Variants in GSAP observed in about 807,000 individuals in gnomAD.
The protein encoded by GSAP is gamma-secretase-activating protein.
Under a neutral mutation model 131.7 loss-of-function variants are expected in GSAP, and 118 were observed. The ratio of observed to expected loss-of-function variants is 0.90; its 90% confidence interval spans 0.77 to 1.04. The LOEUF is 1.04. Among genes scored for constraint, GSAP ranks in the 50% least tolerant of loss-of-function variants. The pLI is 0.00. For missense variants in GSAP, 1,019 were observed against 1,013.2 expected, an observed-to-expected ratio of 1.01 and a Z score of -0.08; for synonymous variants, 381 against 363.4, an observed-to-expected ratio of 1.05 and a Z score of -0.55.
intron 3 of GSAP, among the ~76,000 whole-genome samples, chr7:77,400,675 C>T (rs1183920815): frequency 6.6e-6 from 1 of 152,148 alleles, no homozygotes; most frequent in African/African-American, 2.4e-5. Flanking sequence ...TAATGCAGTA[C>T]TCGAAATGTC....
At chr7:77,344,471 C>T (rs1370407051) in intron 19 of GSAP, among the ~76,000 whole-genome samples, 4 of 152,172 alleles carry the variant, frequency 2.6e-5, no homozygotes, top group Non-Finnish European at 5.9e-5. Flanking sequence ...AGGCTCCAGG[C>T]TCATTCCAGA....
chr7:77,359,702 C>T (rs191982786), intron 14 of GSAP, among the ~76,000 whole-genome samples: 20 of 152,298 alleles, frequency 1.3e-4, no homozygotes, highest in Non-Finnish European at 2.1e-4. Context: ...CCTCTCCACA[C>T]GCTAAAGACC....
Position 77,369,158 on chromosome 7 carries a change from C to A in GSAP, c.871+4912G>T, listed in dbSNP as rs1795757377. Among the ~76,000 whole-genome samples the A allele has an allele frequency of 1.3e-5, 2 of 152,194 alleles. 1 individual carries two copies. The highest frequency in any genetic ancestry group is 4.1e-4 in the South Asian group (2 of 4,832). ...TAGGAAGGAGAATTTACACACTTCCCTACTCACTACCCTCCCAGTAGGTGG... is the reference window on the plus strand; with the variant it reads ...TAGGAAGGAGAATTTACACACTTCCATACTCACTACCCTCCCAGTAGGTGG... On this transcript the variant is annotated intron_variant, in intron 12 of 30. Coordinates refer to ENST00000257626, the MANE Select transcript of GSAP (RefSeq NM_017439.4).
chr7:77,321,823 G>A (rs1243474071), intron 24 of GSAP, among the ~76,000 whole-genome samples: 4 of 152,190 alleles, frequency 2.6e-5, no homozygotes, highest in Non-Finnish European at 5.9e-5. Context: ...AGTAAGACTG[G>A]TATCAAGTCC....
chr7:77,410,862 G>A (rs376006813), intron 1 of GSAP, among the ~76,000 whole-genome samples: 2 of 151,898 alleles, frequency 1.3e-5, no homozygotes, highest in East Asian at 1.9e-4. Context: ...ACATCAAGAG[G>A]TGACAAAATA....
intron 27 of GSAP, among the ~76,000 whole-genome samples, chr7:77,314,007 C>G (rs1221750961): frequency 6.6e-6 from 1 of 152,152 alleles, no homozygotes; most frequent in African/African-American, 2.4e-5. Context: ...GCAGAGGTTC[C>G]TAGCCTCAAG....
At chr7:77,355,093 G>A in intron 16 of GSAP, 120 bp downstream of exon 16, 2 of 657,554 alleles carry the variant, frequency 3.0e-6, no homozygotes, top group Non-Finnish European at 5.2e-6. Flanking sequence ...TCAGCAGCAA[G>A]GCCACACACC....
rs762482202 is a variant in GSAP, at chr7:77,311,858, A to C, written c.2456T>G (p.Ile819Arg). The C allele has an allele frequency of 1.3e-6, 2 of 1,542,082 alleles. No homozygotes were observed. Among genetic ancestry groups the C allele is most frequent in the Non-Finnish European group, 1.8e-6 (2 of 1,114,472 alleles). ...LNYFIEILTD[I>R]ESSNQALYPF... ...TAAATTACCTTGATTGGAGGACTCT[A>C]TATCTGTCAGAATTTCAATGAAGTA... The change falls in exon 30 of 31, where the codon ATA becomes AGA. Residue 819 changes from isoleucine (I) to arginine (R), a missense_variant. Physicochemically the swap from Ile to Arg is moderately conservative, Grantham distance 97 (BLOSUM62 -3). Coordinates refer to ENST00000257626, the MANE Select transcript of GSAP (RefSeq NM_017439.4).
At chr7:77,413,665 C>A (rs752151973) in intron 1 of GSAP, among the ~76,000 whole-genome samples, 2 of 151,814 alleles carry the variant, frequency 1.3e-5, no homozygotes, top group Non-Finnish European at 2.9e-5. Flanking sequence ...AATATTTTGC[C>A]CATACATATA....
chr7:77,385,222 T>C (rs1798388498), intron 6 of GSAP, among the ~76,000 whole-genome samples: 1 of 151,874 alleles, frequency 6.6e-6, no homozygotes, highest in Non-Finnish European at 1.5e-5. Context: ...TTAGTAGAGA[T>C]GGGGTTTTGC....
At position 77,372,827 on chromosome 7, in the gene GSAP, C is replaced by G. The variant is rs545936677; in HGVS notation, c.871+1243G>C. Among the ~76,000 whole-genome samples the G allele has an allele frequency of 4.7e-4, 71 of 152,336 alleles. 1 individual carries two copies. Among genetic ancestry groups the G allele is most frequent in the African/African-American group, 1.5e-3 (64 of 41,578 alleles). On this transcript the variant is annotated intron_variant, in intron 12 of 30. Coordinates refer to ENST00000257626, the MANE Select transcript of GSAP (RefSeq NM_017439.4). Reference sequence around the variant, plus strand: ...ATCCACAAGGTCCCACATAGCCTGGCCCCTGCCTGCCTCTCCAGCTTTCTC... The same window carrying G: ...ATCCACAAGGTCCCACATAGCCTGGGCCCTGCCTGCCTCTCCAGCTTTCTC...
At chr7:77,322,686 G>A (rs1386455060) in intron 24 of GSAP, among the ~76,000 whole-genome samples, 1 of 150,474 alleles carries the variant, frequency 6.6e-6, no homozygotes, top group Non-Finnish European at 1.5e-5. Context: ...TTGAGAAGGA[G>A]ACTTAAGAAA....
chr7:77,334,796 C>T (rs1159460720), intron 19 of GSAP, among the ~76,000 whole-genome samples: 2 of 152,020 alleles, frequency 1.3e-5, no homozygotes, highest in Admixed American at 6.6e-5. Flanking sequence ...GTATAAGAAA[C>T]ATACCCGGCC....
rs138204887 is a variant in GSAP at position 77,377,340 on chromosome 7, G to A, written c.627C>T (p.Phe209=). 6.4e-4 allele frequency: 964 copies of A among 1,497,758 alleles called. 2 individuals are homozygous for A. Among genetic ancestry groups the A allele is most frequent in the Non-Finnish European group, 7.4e-4 (837 of 1,124,598 alleles). The allele number at this position is 1,497,758 out of a possible 1,614,324, so 92.8% of individuals were successfully genotyped here. The change falls in exon 9 of 31, where the codon TTC becomes TTT. Residue 209 remains phenylalanine (F), a synonymous_variant. Coordinates refer to ENST00000257626, the MANE Select transcript of GSAP (RefSeq NM_017439.4). ...HLPRDRIAED[F]VWAQWDMSEQ... is the part of the protein sequence containing the mutation. ...CTGACATATCCCACTGAGCCCAAAC[G>A]AAATCCTCAGCTATTCTGTCTCTTG...
Position 77,323,703 on chromosome 7 carries a change from G to A in GSAP, c.1867C>T (p.Gln623Ter). The stretch of plus-strand genomic sequence containing the variant: ...TCAATTTTCTTCTTTTCTACACCCT[G>A]TAGGTGTCTCAAAAAATGGTCTTTT... ...ELKDHFLRHLQGVEKKKIEQM... is the reference protein window; with the variant it reads ...ELKDHFLRHL Residue 623 changes from glutamine (Q) to a stop codon, truncating the protein, a stop_gained, in exon 24 of 31, where the codon CAG becomes TAG. Coordinates refer to ENST00000257626, the MANE Select transcript of GSAP (RefSeq NM_017439.4). LOFTEE classifies it high-confidence loss of function. 1 of 1,605,852 alleles carries A rather than the reference G, an allele frequency of 6.2e-7. No individual in the cohort carries two copies. The highest frequency in any genetic ancestry group is 8.5e-7 in the Non-Finnish European group (1 of 1,173,654).
At chr7:77,394,636 C>G (rs762184786) in intron 5 of GSAP, among the ~76,000 whole-genome samples, 3 of 152,170 alleles carry the variant, frequency 2.0e-5, no homozygotes, top group Non-Finnish European at 4.4e-5. Flanking sequence ...GAAAAGTATA[C>G]CAGTAAATGG....
intron 1 of GSAP, among the ~76,000 whole-genome samples, chr7:77,410,152 T>C (rs1235310171): frequency 6.6e-6 from 1 of 152,186 alleles, no homozygotes; most frequent in Non-Finnish European, 1.5e-5. Flanking sequence ...AATATAACCA[T>C]GGTAGACAGA....
At chr7:77,365,389 C>T (rs1380155765) in intron 12 of GSAP, among the ~76,000 whole-genome samples, 1 of 152,132 alleles carries the variant, frequency 6.6e-6, no homozygotes, top group African/African-American at 2.4e-5. Context: ...CTCCTCCCAC[C>T]CTCCACTCTC....
chr7:77,328,203 T>G (rs1788582675), intron 22 of GSAP: 7 of 1,001,414 alleles, frequency 7.0e-6, no homozygotes, highest in Non-Finnish European at 7.1e-6. Flanking sequence ...AGGACCTGTG[T>G]GCCCAATTTT....
Sources: allele counts gnomAD v4.1 joint callset (sites outside exome capture counted in the v4.1 genomes callset), GRCh38; gene constraint gnomAD v4.1.1; transcripts MANE v1.5; gene names NCBI Gene and HGNC (gene_info 2026-07-23, HGNC 2026-07-21).